The following RASGRF2 variants were observed in gnomAD, a reference collection of about 807,000 sequenced individuals.
RASGRF2 encodes ras-specific guanine nucleotide-releasing factor 2.
Under a neutral mutation model 151.0 loss-of-function variants are expected in RASGRF2, and 76 were observed. That is an observed-to-expected ratio of 0.50 (90% CI 0.42 to 0.61). The LOEUF (loss-of-function observed/expected upper bound fraction) is 0.61. Ranked by LOEUF, RASGRF2 falls within the 20% of genes least tolerant of loss-of-function variation. The pLI is 0.00. For synonymous variants in RASGRF2, 504 were observed against 566.5 expected, an observed-to-expected ratio of 0.89 and a Z score of 1.57; for missense variants, 1,148 against 1,564.6, an observed-to-expected ratio of 0.73 and a Z score of 4.49.
intron 23 of RASGRF2, among the ~76,000 whole-genome samples, chr5:81,213,145 G>A (rs1015940651): frequency 3.3e-5 from 5 of 152,066 alleles, no homozygotes; most frequent in African/African-American, 1.2e-4. Flanking sequence ...CTGGGTGTTG[G>A]GTGCCTTGGA....
intron 17 of RASGRF2, among the ~76,000 whole-genome samples, chr5:81,167,303 GA>G (rs1325889706): frequency 2.6e-5 from 4 of 152,188 alleles, no homozygotes; most frequent in Non-Finnish European, 5.9e-5. Flanking sequence ...CAGTCCTGAG[GA>G]CTGGAGGCCA....
intron 1 of RASGRF2, among the ~76,000 whole-genome samples, chr5:80,982,065 G>A (rs966946660): frequency 6.6e-6 from 1 of 152,234 alleles, no homozygotes; most frequent in South Asian, 2.1e-4. Flanking sequence ...ATCAGGACAG[G>A]CATTAGTGGG....
intron 12 of RASGRF2, among the ~76,000 whole-genome samples, chr5:81,095,363 C>T (rs202039096): frequency 2.6e-5 from 4 of 152,008 alleles, no homozygotes; most frequent in Non-Finnish European, 5.9e-5. Context: ...GTGAAAGATA[C>T]AAAAACAGCC....
intron 1 of RASGRF2, among the ~76,000 whole-genome samples, chr5:80,995,574 C>G (rs1748818840): frequency 6.6e-6 from 1 of 151,396 alleles, no homozygotes; most frequent in Admixed American, 6.6e-5. Flanking sequence ...ATACCCCACT[C>G]TTTCTCATTT....
intron 16 of RASGRF2, among the ~76,000 whole-genome samples, chr5:81,125,002 C>T (rs923692329): frequency 3.3e-5 from 5 of 152,112 alleles, no homozygotes; most frequent in Non-Finnish European, 7.3e-5. Flanking sequence ...ATTCTCCTGC[C>T]TCAGCCTCCC....
rs979809880 is a variant in RASGRF2, at chr5:81,217,256, G to A, written c.3435-100G>A. The A allele has an allele frequency of 2.0e-5, 29 of 1,481,042 alleles. No individual in the cohort carries two copies. The African/African-American group carries it at 4.0e-4, about 20-fold the overall frequency. The allele number at this position is 1,481,042 out of a possible 1,614,324, so 91.7% of individuals were successfully genotyped here. ...TGAAATAAAAAGGTTTTGCTCTTCA[G>A]TACCAAAGGAGGATACTTTAATCCT... On this transcript the variant is annotated intron_variant, in intron 24 of 26. Coordinates refer to ENST00000265080, the MANE Select transcript of RASGRF2 (RefSeq NM_006909.3).
At chr5:80,982,777 T>C (rs1748350632) in intron 1 of RASGRF2, among the ~76,000 whole-genome samples, 11 of 151,898 alleles carry the variant, frequency 7.2e-5, no homozygotes, top group Admixed American at 7.2e-4. Context: ...ATTTTTTGTA[T>C]TTTTAGTAGA....
chr5:81,132,433 G>A (rs561929687), intron 17 of RASGRF2, among the ~76,000 whole-genome samples: 1 of 152,300 alleles, frequency 6.6e-6, no homozygotes, highest in African/African-American at 2.4e-5. Flanking sequence ...CTGGGGAGGT[G>A]ATACCAGTCT....
At chr5:81,218,814 T>C (rs1157796077) in intron 25 of RASGRF2, among the ~76,000 whole-genome samples, 1 of 152,238 alleles carries the variant, frequency 6.6e-6, no homozygotes, top group African/African-American at 2.4e-5. Context: ...ACAATACTGA[T>C]TCTACCCATC....
intron 17 of RASGRF2, among the ~76,000 whole-genome samples, chr5:81,142,132 T>C (rs1350364430): frequency 1.3e-5 from 2 of 152,160 alleles, no homozygotes; most frequent in African/African-American, 4.8e-5. Context: ...CAATTTTCTG[T>C]TTCAAAATCA....
chr5:81,106,470 T>G (rs1752850283), intron 12 of RASGRF2, among the ~76,000 whole-genome samples: 1 of 152,238 alleles, frequency 6.6e-6, no homozygotes, highest in African/African-American at 2.4e-5. Flanking sequence ...AAACCCTCAG[T>G]GGCTTCCCAT....
In RASGRF2 at chr5:81,128,964, C is replaced by T. The variant is rs145514863; in HGVS notation, c.2686+1801C>T. ...GACCAGCCTGGCCAACATGATGAAT[C>T]CCCATCTCTACTAAAAATACAAAAA... On this transcript the variant is annotated intron_variant, in intron 17 of 26. Coordinates refer to ENST00000265080, the MANE Select transcript of RASGRF2 (RefSeq NM_006909.3). Among the ~76,000 whole-genome samples the T allele has an allele frequency of 3.9e-3, 590 of 151,486 alleles. 2 individuals carry two copies. The highest frequency in any genetic ancestry group is 6.5e-3 in the Non-Finnish European group (439 of 67,866).
intron 1 of RASGRF2, among the ~76,000 whole-genome samples, chr5:80,964,001 T>A (rs1056238848): frequency 2.6e-5 from 1 of 38,880 alleles, no homozygotes; most frequent in Non-Finnish European, 4.5e-5. Context: ...AAAAATCCGT[T>A]TTTTTTTTTT....
intron 1 of RASGRF2, chr5:80,997,337 A>G (rs752661977): frequency 6.6e-6 from 1 of 152,222 alleles, no homozygotes; most frequent in Non-Finnish European, 1.5e-5. Context: ...CAAAGATACT[A>G]CTAACTGATT....
chr5:81,132,899 C>T (rs955316500), intron 17 of RASGRF2, among the ~76,000 whole-genome samples: 5 of 152,272 alleles, frequency 3.3e-5, no homozygotes, highest in Non-Finnish European at 4.4e-5. Context: ...GGGCACCTCC[C>T]GGGGCTTTGG....
At chr5:81,102,878 C>T (rs1752737531) in intron 12 of RASGRF2, among the ~76,000 whole-genome samples, 1 of 152,090 alleles carries the variant, frequency 6.6e-6, no homozygotes, top group African/African-American at 2.4e-5. Flanking sequence ...CAATCTGGGG[C>T]TCGTGACATG....
intron 18 of RASGRF2, among the ~76,000 whole-genome samples, chr5:81,188,486 A>G (rs1282135026): frequency 6.6e-6 from 1 of 152,174 alleles, no homozygotes; most frequent in African/African-American, 2.4e-5. Flanking sequence ...GAAGTTTGGT[A>G]TCGGTTTAGT....
chr5:81,201,592 G>C (rs1755396490), intron 19 of RASGRF2, 150 bp downstream of exon 19: 2 of 851,436 alleles, frequency 2.3e-6, no homozygotes, highest in Non-Finnish European at 1.7e-6. Flanking sequence ...CTCTTTCCTG[G>C]GGGCAATTTG....
intron 1 of RASGRF2, among the ~76,000 whole-genome samples, chr5:81,022,825 T>C (rs1749877461): frequency 6.7e-6 from 1 of 149,440 alleles, no homozygotes; most frequent in Non-Finnish European, 1.5e-5. Context: ...GCAGCATAGA[T>C]TGGAAAGTGT....
Sources: allele counts gnomAD v4.1 joint callset (sites outside exome capture counted in the v4.1 genomes callset), GRCh38; gene constraint gnomAD v4.1.1; transcripts MANE v1.5; gene names NCBI Gene and HGNC (gene_info 2026-07-23, HGNC 2026-07-21).